Variants in ERBB4 observed in about 807,000 individuals in gnomAD.
ERBB4 encodes the protein erb-b2 receptor tyrosine kinase 4.
ERBB4 carries 42 observed loss-of-function variants against 158.0 expected under a neutral mutation model. The observed-to-expected ratio is 0.27, with a 90% CI of 0.21 to 0.34. The LOEUF (loss-of-function observed/expected upper bound fraction) is 0.34. Among genes scored for constraint, ERBB4 ranks in the 10% least tolerant of loss-of-function variants. The pLI is 1.00. For missense variants in ERBB4, 1,333 were observed against 1,624.1 expected (o/e 0.82, Z 3.08); for synonymous variants, 583 against 558.7 (o/e 1.04, Z -0.61).
At chr2:211,461,639 A>G (rs1312167757) in intron 20 of ERBB4, among the ~76,000 whole-genome samples, 1 of 152,126 alleles carries the variant, frequency 6.6e-6, no homozygotes, top group African/African-American at 2.4e-5. Context: ...GGGCCACAAG[A>G]AAGAAACATA....
At chr2:211,603,712 T>C (rs2068876512) in intron 19 of ERBB4, among the ~76,000 whole-genome samples, 1 of 152,212 alleles carries the variant, frequency 6.6e-6, no homozygotes, top group Non-Finnish European at 1.5e-5. Context: ...TTATGCCCTC[T>C]TCATTTGATC....
At chr2:211,966,375 G>A (rs1033081965) in intron 2 of ERBB4, among the ~76,000 whole-genome samples, 6 of 152,040 alleles carry the variant, frequency 3.9e-5, no homozygotes, top group Non-Finnish European at 8.8e-5. Context: ...CTGAAGAGCT[G>A]GGATTGCAGG....
chr2:212,124,513 T>A, intron 2 of ERBB4: 3 of 525,116 alleles, frequency 5.7e-6, no homozygotes, highest in Non-Finnish European at 6.9e-6. Flanking sequence ...GGTGACAGAA[T>A]CTTTTCTCAA....
At chr2:211,948,186 C>T (rs191697609) in intron 2 of ERBB4, among the ~76,000 whole-genome samples, 1 of 152,194 alleles carries the variant, frequency 6.6e-6, no homozygotes, top group East Asian at 1.9e-4. Context: ...CCTGTAATCC[C>T]AGCACTTCTG....
At chr2:211,897,271 T>C (rs548917890) in intron 3 of ERBB4, among the ~76,000 whole-genome samples, 1 of 152,080 alleles carries the variant, frequency 6.6e-6, no homozygotes, top group South Asian at 2.1e-4. Context: ...TGCTCTTATT[T>C]ATCTCATGTG....
chr2:211,871,240 G>A (rs1407540894), intron 3 of ERBB4, among the ~76,000 whole-genome samples: 5 of 152,112 alleles, frequency 3.3e-5, no homozygotes, highest in Admixed American at 6.6e-5. Flanking sequence ...TGGGCATGCC[G>A]ACAGTCCCAA....
chr2:212,003,885 T>G (rs2076200748), intron 2 of ERBB4, among the ~76,000 whole-genome samples: 3 of 152,194 alleles, frequency 2.0e-5, no homozygotes, highest in Admixed American at 2.0e-4. Flanking sequence ...TTCTCTAAGC[T>G]CCAGTCCCCT....
intron 4 of ERBB4, among the ~76,000 whole-genome samples, chr2:211,766,841 T>C (rs1265469817): frequency 6.6e-6 from 1 of 152,126 alleles, no homozygotes; most frequent in Non-Finnish European, 1.5e-5. Flanking sequence ...CATTTCTGCA[T>C]TGTGGAGGAG....
At chr2:211,859,783 T>C (rs758554417) in intron 3 of ERBB4, among the ~76,000 whole-genome samples, 11 of 152,186 alleles carry the variant, frequency 7.2e-5, no homozygotes, top group Non-Finnish European at 1.6e-4. Context: ...ATATAATTAG[T>C]AGGTTATATA....
At chr2:211,980,086 A>G (rs924638181) in intron 2 of ERBB4, among the ~76,000 whole-genome samples, 2 of 152,188 alleles carry the variant, frequency 1.3e-5, no homozygotes. Flanking sequence ...TCATTTTAAA[A>G]CATAAGTAAA....
intron 2 of ERBB4, among the ~76,000 whole-genome samples, chr2:212,047,499 G>C (rs1441761292): frequency 2.0e-5 from 3 of 151,104 alleles, no homozygotes; most frequent in Non-Finnish European, 4.4e-5. Context: ...TTTAGATGGA[G>C]TCTTGTTCTG....
chr2:211,962,795 C>A (rs1413815795), intron 2 of ERBB4, among the ~76,000 whole-genome samples: 1 of 152,026 alleles, frequency 6.6e-6, no homozygotes, highest in Non-Finnish European at 1.5e-5. Context: ...GAACAAGCAA[C>A]AAGAAATGAC....
chr2:212,151,275 C>A (rs932776920), intron 1 of ERBB4, among the ~76,000 whole-genome samples: 14 of 150,504 alleles, frequency 9.3e-5, no homozygotes, highest in African/African-American at 3.4e-4. Flanking sequence ...TTAATATATA[C>A]ATTATAGGGG....
chr2:212,042,336 A>G (rs2077160919), intron 2 of ERBB4, among the ~76,000 whole-genome samples: 1 of 152,106 alleles, frequency 6.6e-6, no homozygotes, highest in African/African-American at 2.4e-5. Flanking sequence ...ATTTACAGCA[A>G]AATTGTTTAG....
intron 1 of ERBB4, among the ~76,000 whole-genome samples, chr2:212,350,726 T>A (rs2089215213): frequency 6.6e-6 from 1 of 151,984 alleles, no homozygotes; most frequent in Admixed American, 6.6e-5. Context: ...ATGACACAAG[T>A]TTTCAAGAAA....
At chr2:211,999,964 T>G (rs951238609) in intron 2 of ERBB4, among the ~76,000 whole-genome samples, 32 of 151,888 alleles carry the variant, frequency 2.1e-4, no homozygotes, top group African/African-American at 7.5e-4. Context: ...GTTATAATGG[T>G]GTCTCTAGTC....
intron 3 of ERBB4, among the ~76,000 whole-genome samples, chr2:211,825,776 T>A (rs1252520345): frequency 6.8e-6 from 1 of 147,552 alleles, no homozygotes; most frequent in Non-Finnish European, 1.5e-5. Context: ...ATATTATATA[T>A]TATTAATAAT....
At chr2:212,366,980 C>T (rs2089912451) in intron 1 of ERBB4, among the ~76,000 whole-genome samples, 1 of 151,856 alleles carries the variant, frequency 6.6e-6, no homozygotes, top group Non-Finnish European at 1.5e-5. Flanking sequence ...TATTTGAATA[C>T]AGGGCTTTTC....
At chr2:212,066,665 T>C (rs1212485302) in intron 2 of ERBB4, among the ~76,000 whole-genome samples, 1 of 152,004 alleles carries the variant, frequency 6.6e-6, no homozygotes, top group Non-Finnish European at 1.5e-5. Context: ...CAAATTTCCT[T>C]GTCAATTGTG....
Sources: allele counts gnomAD v4.1 joint callset (sites outside exome capture counted in the v4.1 genomes callset), GRCh38; gene constraint gnomAD v4.1.1; transcripts MANE v1.5; gene names NCBI Gene and HGNC (gene_info 2026-07-23, HGNC 2026-07-21).